The following PPFIBP2 variants were observed in gnomAD, a reference collection of about 807,000 sequenced individuals.
PPFIBP2 encodes the protein liprin-beta-2.
PPFIBP2 carries 118 observed loss-of-function variants against 118.3 expected under a neutral mutation model. The ratio of observed to expected loss-of-function variants is 1.00; its 90% CI spans 0.86 to 1.16. The LOEUF (loss-of-function observed/expected upper bound fraction) is 1.16, where lower values mean the gene tolerates loss of function less well. Ranked by LOEUF, PPFIBP2 falls within the 50% of genes most tolerant of loss-of-function variation. PPFIBP2 has a pLI of 0.00. For synonymous variants in PPFIBP2, 414 were observed against 397.4 expected, an observed-to-expected ratio of 1.04 and a Z score of -0.50; for missense variants, 1,195 against 1,073.1, an observed-to-expected ratio of 1.11 and a Z score of -1.59.
At chr11:7,655,587 T>TG, downstream of PPFIBP2, 1 of 1,074,242 alleles carries the variant, frequency 9.3e-7, no homozygotes. Context: ...GCACAAGGCC[T>TG]GGGGGACGGC....
At chr11:7,664,787 G>A in the PPFIBP2 span, among the ~76,000 whole-genome samples, 1 of 151,626 alleles carries the variant, frequency 6.6e-6, no homozygotes, top group South Asian at 2.1e-4. Flanking sequence ...ACAGGGGGAT[G>A]GGTGAGGTTG....
rs1374601245 is a variant in PPFIBP2 at position 7,653,129 on chromosome 11, AG to A, written c.2543del (p.Ser848IlefsTer52). On this transcript the variant is annotated frameshift_variant, in exon 24 of 24. Transcript: ENST00000299492. LOFTEE classifies it high-confidence loss of function. ...PMEPSDGVSDSHRVYSGYRGL... is the reference protein window; with the variant it reads ...PMEPSDGVSDXHRVYSGYRGL... ...GGAGCCCAGTGACGGTGTCAGTGATAGTCACAGGGTCTACAGTGGCTACCGG... is the reference window on the plus strand; with the variant it reads ...GGAGCCCAGTGACGGTGTCAGTGATATCACAGGGTCTACAGTGGCTACCGG... 6.2e-7 allele frequency: 1 copy of A among 1,614,222 alleles called. No homozygotes were observed. Among genetic ancestry groups the A allele is most frequent in the South Asian group, 1.1e-5 (1 of 91,090 alleles).
intron 10 of PPFIBP2, 59 bp from the exon 11 acceptor site, chr11:7,630,866 G>C: frequency 8.1e-7 from 1 of 1,233,166 alleles, no homozygotes. Flanking sequence ...TTTGTGGTAC[G>C]ATTATAGGTT....
At chr11:7,639,923 T>C in intron 15 of PPFIBP2, 53 bp downstream of exon 15, 1 of 1,571,586 alleles carries the variant, frequency 6.4e-7, no homozygotes, top group African/African-American at 1.4e-5. Context: ...CTTGGCACTT[T>C]CAATGATTGT....
chr11:7,597,054 T>C, intron 4 of PPFIBP2: 1 of 862,838 alleles, frequency 1.2e-6, no homozygotes, highest in Non-Finnish European at 1.6e-6. Context: ...TGCTAATACA[T>C]GCCCTTTACA....
chr11:7,650,742 G>C (rs1853863133), intron 21 of PPFIBP2, 98 bp from the exon 22 acceptor site: 1 of 1,333,490 alleles, frequency 7.5e-7, no homozygotes. Flanking sequence ...TTGTTGTGAT[G>C]CGTCTGGGGC....
rs561905774 is a variant in PPFIBP2, at chr11:7,549,284, G to T, written c.-36-156G>T. Among the ~76,000 whole-genome samples, 13 of 152,332 alleles carry T rather than the reference G, an allele frequency of 8.5e-5. No homozygotes were observed. In the South Asian group the frequency reaches 2.7e-3, roughly 32 times the overall value. On this transcript the variant is annotated intron_variant, in intron 1 of 23. Coordinates refer to ENST00000299492, the MANE Select transcript of PPFIBP2 (RefSeq NM_003621.5). Reference sequence around the variant, plus strand: ...CATGGAAAAAGCACTCATGCCAAGAGGGAAAAGGCCATGGAGATGCAGAAA... The same window carrying T: ...CATGGAAAAAGCACTCATGCCAAGATGGAAAAGGCCATGGAGATGCAGAAA...
chr11:7,537,610 T>G (rs1238947709), intron 1 of PPFIBP2, among the ~76,000 whole-genome samples: 6 of 152,210 alleles, frequency 3.9e-5, no homozygotes, highest in African/African-American at 1.4e-4. Context: ...TCTGAGCGGT[T>G]CAGAAGGAAG....
chr11:7,611,722 A>C (rs537672310), intron 6 of PPFIBP2, among the ~76,000 whole-genome samples: 132 of 152,374 alleles, frequency 8.7e-4, no homozygotes, highest in African/African-American at 3.1e-3. Flanking sequence ...CTGAGGAGTG[A>C]ATGAGACAAT....
intron 1 of PPFIBP2, among the ~76,000 whole-genome samples, chr11:7,546,305 A>G (rs972369333): frequency 2.0e-5 from 3 of 152,228 alleles, no homozygotes; most frequent in African/African-American, 7.2e-5. Context: ...GAAGAGGAAA[A>G]TAGGCTGGCA....
chr11:7,649,580 A>G lies in PPFIBP2; in HGVS notation c.2047A>G (p.Ile683Val). The change falls in exon 21 of 24, where the codon ATC becomes GTC. Residue 683 changes from isoleucine to valine, a missense_variant. Ile to Val is a conservative substitution (Grantham distance 29). Transcript: ENST00000299492. ...CACCAGCCAACTACATCATCTCAGC[A>G]TCAAATGTGCCATTCACGTGCTGCA... ...KVTSQLHHLSIKCAIHVLHVN... is the reference protein window; with the variant it reads ...KVTSQLHHLSVKCAIHVLHVN... The G allele has an allele frequency of 6.2e-7, 1 of 1,614,224 alleles. No homozygotes were observed.
chr11:7,536,602 C>T (rs1027637989), intron 1 of PPFIBP2, among the ~76,000 whole-genome samples: 1 of 151,970 alleles, frequency 6.6e-6, no homozygotes, highest in Non-Finnish European at 1.5e-5. Flanking sequence ...TTTTGTTTCT[C>T]ATTAAAGAAA....
At chr11:7,593,833 A>G (rs1192053153) in intron 4 of PPFIBP2, among the ~76,000 whole-genome samples, 1 of 152,256 alleles carries the variant, frequency 6.6e-6, no homozygotes, top group African/African-American at 2.4e-5. Flanking sequence ...GGTAGGACAT[A>G]GAGTTAGGTA....
At chr11:7,597,210 C>T in intron 4 of PPFIBP2, 3 of 1,497,188 alleles carry the variant, frequency 2.0e-6, no homozygotes, top group South Asian at 2.6e-5. Flanking sequence ...GGCAAGCCAG[C>T]TGAGATGTGC....
chr11:7,644,793 C>T (rs1401573597), intron 17 of PPFIBP2, among the ~76,000 whole-genome samples: 4 of 151,590 alleles, frequency 2.6e-5, no homozygotes, highest in Non-Finnish European at 5.9e-5. Context: ...TTTGGGAGGC[C>T]GAGGCGGGCG....
At chr11:7,638,170 G>T (rs1851690461) in intron 14 of PPFIBP2, among the ~76,000 whole-genome samples, 1 of 152,186 alleles carries the variant, frequency 6.6e-6, no homozygotes, top group Non-Finnish European at 1.5e-5. Flanking sequence ...TCTGGGGTGT[G>T]CTTCCAGAGG....
chr11:7,561,272 G>A (rs1854270711), intron 2 of PPFIBP2, among the ~76,000 whole-genome samples: 1 of 152,124 alleles, frequency 6.6e-6, no homozygotes, highest in Admixed American at 6.5e-5. Context: ...TGCCATGTTG[G>A]CCAGGCCGGT....
At chr11:7,591,133 T>G (rs1381856047) in intron 3 of PPFIBP2, among the ~76,000 whole-genome samples, 2 of 152,142 alleles carry the variant, frequency 1.3e-5, no homozygotes, top group African/African-American at 4.8e-5. Flanking sequence ...CTAGTAAAAA[T>G]AGTTACCTCT....
chr11:7,573,137 G>C (rs1456913292), intron 3 of PPFIBP2, among the ~76,000 whole-genome samples: 2 of 152,138 alleles, frequency 1.3e-5, no homozygotes, highest in Non-Finnish European at 2.9e-5. Context: ...GTTGTCCTGG[G>C]ACCAGTAGTA....
Sources: gnomAD v4.1 joint callset for allele counts (sites outside exome capture counted in the v4.1 genomes callset) on GRCh38, gnomAD v4.1.1 for gene constraint, MANE v1.5 for transcripts, NCBI Gene and HGNC (gene_info 2026-07-23, HGNC 2026-07-21) for gene names.